Variants in SLC43A1 observed in about 807,000 individuals in gnomAD.
The protein encoded by SLC43A1 is large neutral amino acids transporter small subunit 3.
In SLC43A1, 31 loss-of-function variants were observed where a neutral mutation model predicts 59.5. The ratio of observed to expected loss-of-function variants is 0.52; its 90% CI spans 0.39 to 0.70. The LOEUF is 0.70. Ranked by LOEUF, SLC43A1 falls within the 30% of genes least tolerant of loss-of-function variation. The pLI is 0.00. For missense variants in SLC43A1, 598 were observed against 717.8 expected (o/e 0.83, Z 1.91); for synonymous variants, 259 against 290.9 (o/e 0.89, Z 1.12).
chr11:57,495,534 C>G (rs1270882372), intron 7 of SLC43A1, among the ~76,000 whole-genome samples: 2 of 152,056 alleles, frequency 1.3e-5, no homozygotes, highest in African/African-American at 4.8e-5. Flanking sequence ...TACTTAAAAA[C>G]ACCCATGGGA....
chr11:57,507,503 C>A (rs928189082), intron 2 of SLC43A1, among the ~76,000 whole-genome samples: 5 of 151,978 alleles, frequency 3.3e-5, no homozygotes, highest in Middle Eastern at 3.2e-3. Flanking sequence ...ATTAGCCGTG[C>A]GTGGTGGTAC....
chr11:57,491,582 T>C lies in SLC43A1; in HGVS notation c.1054+9A>G, dbSNP rs750425858. On this transcript the variant is annotated intron_variant, in intron 10 of 14. Coordinates refer to ENST00000278426, the MANE Select transcript of SLC43A1 (RefSeq NM_003627.6). ...GGCGTGAGCCAGGGCCCTGCTTTCA[T>C]AGCCCTACCTGTCTCTGCCACCTTT... 2.5e-6 allele frequency: 4 copies of C among 1,613,958 alleles called. No individual in the cohort carries two copies. Among genetic ancestry groups the C allele is most frequent in the East Asian group, 2.2e-5 (1 of 44,884 alleles).
chr11:57,496,204 G>C, intron 6 of SLC43A1, 40 bp from the exon 7 acceptor site: 1 of 1,610,416 alleles, frequency 6.2e-7, no homozygotes, highest in Non-Finnish European at 8.5e-7. Flanking sequence ...GAGACTGCCT[G>C]GCCCCAGACC....
At chr11:57,511,225 A>G (rs893067687) in intron 2 of SLC43A1, among the ~76,000 whole-genome samples, 4 of 152,040 alleles carry the variant, frequency 2.6e-5, no homozygotes, top group African/African-American at 9.7e-5. Flanking sequence ...GGAGTTCGAG[A>G]CCAGTCTCAG....
rs975472914 is a variant in SLC43A1, at chr11:57,514,366, C to G, written c.-13-242G>C. 2 of 508,246 alleles carry G rather than the reference C, an allele frequency of 3.9e-6. No individual in the cohort carries two copies. The highest frequency in any genetic ancestry group is 3.5e-6 in the Non-Finnish European group (1 of 286,832). 31.5% of individuals were successfully genotyped at this position (508,246 alleles called of 1,614,324 possible). ...CTATCGGAAACAAGGAAGGTCCTGT[C>G]TGCGCGCTGCAGCTTCCTAGCAGGC... On this transcript the variant is annotated intron_variant, in intron 1 of 14. Transcript: ENST00000278426. This position sits in a 1 kb window ranked among gnomAD's most constrained non-coding sequence, Gnocchi z 5.5.
chr11:57,514,959 C>A lies in SLC43A1; in HGVS notation c.-14+485G>T. The A allele has an allele frequency of 1.0e-6, 1 of 968,600 alleles. No homozygotes were observed. Among genetic ancestry groups the A allele is most frequent in the Non-Finnish European group, 1.2e-6 (1 of 814,790 alleles). The allele number at this position is 968,600 out of a possible 1,614,324, so 60.0% of individuals were successfully genotyped here. A position where few individuals can be genotyped will look rare whatever the true frequency, so the allele number is the denominator to read the frequency against. On this transcript the variant is annotated intron_variant, in intron 1 of 14. Transcript: ENST00000278426. This position sits in a 1 kb window ranked among gnomAD's most constrained non-coding sequence, Gnocchi z 5.5. The stretch of plus-strand genomic sequence containing the variant: ...CAAAGGGAGGGAAAGAGCCCCAGCT[C>A]CCCCCGCCGCGGCCGCTGCAGCCTC...
At chr11:57,511,470 C>T (rs1944544074) in intron 2 of SLC43A1, among the ~76,000 whole-genome samples, 1 of 151,976 alleles carries the variant, frequency 6.6e-6, no homozygotes, top group Admixed American at 6.6e-5. Context: ...ACATTTGGGT[C>T]TCACTCTGTG....
intron 8 of SLC43A1, among the ~76,000 whole-genome samples, chr11:57,492,206 A>AATATAT (rs1193113517): frequency 1.4e-5 from 2 of 142,284 alleles, no homozygotes; most frequent in Non-Finnish European, 3.0e-5. Context: ...TATCTCTAAA[A>AATATAT]ATATATATAT....
intron 2 of SLC43A1, among the ~76,000 whole-genome samples, chr11:57,510,962 A>G (rs1050076810): frequency 6.7e-4 from 102 of 152,224 alleles, no homozygotes; most frequent in African/African-American, 2.4e-3. Flanking sequence ...AGCCTGGGCA[A>G]CAAGAGAGAA....
intron 6 of SLC43A1, among the ~76,000 whole-genome samples, chr11:57,496,381 G>GAAATAGT (rs1345551220): frequency 3.3e-5 from 5 of 152,174 alleles, no homozygotes; most frequent in African/African-American, 1.2e-4. Flanking sequence ...AGAGAGCTAT[G>GAAATAGT]AAATAGTCTC....
intron 11 of SLC43A1, 151 bp downstream of exon 11, chr11:57,491,073 C>G (rs1413398581): frequency 1.0e-6 from 1 of 976,566 alleles, no homozygotes. Flanking sequence ...CCCTTCCTAG[C>G]CTCAGTTTCC....
intron 13 of SLC43A1, 80 bp from the exon 14 acceptor site, chr11:57,487,298 A>C: frequency 6.5e-7 from 1 of 1,534,736 alleles, no homozygotes; most frequent in Admixed American, 1.8e-5. Flanking sequence ...CCTCCCCACC[A>C]TGGTCCCCGC....
intron 14 of SLC43A1, 91 bp from the exon 15 acceptor site, chr11:57,485,333 G>C: frequency 8.1e-7 from 1 of 1,239,420 alleles, no homozygotes; most frequent in Non-Finnish European, 1.1e-6. Context: ...TTTTTCTCCA[G>C]GTCCTGAGCC....
intron 2 of SLC43A1, among the ~76,000 whole-genome samples, chr11:57,502,115 G>C (rs1426583438): frequency 6.6e-6 from 1 of 152,212 alleles, no homozygotes; most frequent in Non-Finnish European, 1.5e-5. Flanking sequence ...TTGGAGTTGT[G>C]ACAAGTTAAG....
At chr11:57,512,420 C>T (rs1365984864) in intron 2 of SLC43A1, among the ~76,000 whole-genome samples, 1 of 151,816 alleles carries the variant, frequency 6.6e-6, no homozygotes, top group Non-Finnish European at 1.5e-5. Flanking sequence ...GGTGAAAGCC[C>T]GTCTCTACTA....
At position 57,515,090 on chromosome 11, in the gene SLC43A1, G is replaced by C. The variant is rs931545561; in HGVS notation, c.-14+354C>G. On this transcript the variant is annotated intron_variant, in intron 1 of 14. Transcript: ENST00000278426. This position sits in a 1 kb window ranked among gnomAD's most constrained non-coding sequence, Gnocchi z 5.3. ...GGGCAAGAAAGACCCAGAGAGAGGG[G>C]AGGAAGTACCAGTCACTTCTTCCAG... The C allele has an allele frequency of 1.0e-5, 10 of 985,048 alleles. No individual in the cohort carries two copies. The Admixed American group carries it at 2.5e-4, about 24-fold the overall frequency. The allele number at this position is 985,048 out of a possible 1,614,324, so 61.0% of individuals were successfully genotyped here.
chr11:57,510,501 T>C (rs1303600989), intron 2 of SLC43A1, among the ~76,000 whole-genome samples: 3 of 125,416 alleles, frequency 2.4e-5, no homozygotes, highest in Non-Finnish European at 3.3e-5. Context: ...CAACGACACA[T>C]ATTGTTGAGG....
At chr11:57,498,743 G>T (rs551215846) in intron 5 of SLC43A1, among the ~76,000 whole-genome samples, 2 of 152,342 alleles carry the variant, frequency 1.3e-5, no homozygotes, top group Admixed American at 6.5e-5. Context: ...AGCCAGGGCA[G>T]ACAGTCTCCA....
chr11:57,497,896 C>G (rs1186129854), intron 5 of SLC43A1, 51 bp from the exon 6 acceptor site: 2 of 1,389,052 alleles, frequency 1.4e-6, no homozygotes, highest in Non-Finnish European at 2.0e-6. Flanking sequence ...GACCCTTGCC[C>G]AGCATTCCCA....
Sources: gnomAD v4.1 joint callset for allele counts (sites outside exome capture counted in the v4.1 genomes callset) on GRCh38, gnomAD v4.1.1 for gene constraint, Gnocchi (gnomAD v3.1) non-coding constraint, MANE v1.5 for transcripts, NCBI Gene and HGNC (gene_info 2026-07-23, HGNC 2026-07-21) for gene names.